The following SRGAP2B variants were observed in gnomAD, a reference collection of about 807,000 sequenced individuals.
SRGAP2B encodes SLIT-ROBO Rho GTPase-activating protein 2B.
Under a neutral mutation model 22.2 loss-of-function variants are expected in SRGAP2B, and 9 were observed. The observed-to-expected ratio is 0.41, with a 90% CI of 0.24 to 0.71. SRGAP2B has a LOEUF of 0.71. Ranked by LOEUF, SRGAP2B falls within the 30% of genes least tolerant of loss-of-function variation. The pLI is 0.35. For missense variants in SRGAP2B, 114 were observed against 235.8 expected, an observed-to-expected ratio of 0.48 and a Z score of 3.38; for synonymous variants, 36 against 87.4, an observed-to-expected ratio of 0.41 and a Z score of 3.28.
At chr1:144,975,624 C>CA (rs1214186517) in intron 3 of SRGAP2B, among the ~76,000 whole-genome samples, 1 of 146,278 alleles carries the variant, frequency 6.8e-6, no homozygotes, top group Admixed American at 6.8e-5. Context: ...ATGCTGATGC[C>CA]ACATTCTTAT....
intron 2 of SRGAP2B, among the ~76,000 whole-genome samples, chr1:145,011,388 C>G (rs1332625831): frequency 2.8e-5 from 4 of 143,754 alleles, no homozygotes; most frequent in African/African-American, 5.5e-5. Flanking sequence ...GATCCCATTC[C>G]ATTCTATGTC....
At chr1:144,987,663 A>G (rs1252935893) in intron 3 of SRGAP2B, among the ~76,000 whole-genome samples, 3 of 150,810 alleles carry the variant, frequency 2.0e-5, no homozygotes, top group African/African-American at 4.9e-5. Context: ...TGCCTTTCCT[A>G]TGCCAATGTC....
intron 3 of SRGAP2B, among the ~76,000 whole-genome samples, chr1:144,984,828 A>T (rs1669598398): frequency 6.6e-6 from 1 of 150,866 alleles, no homozygotes; most frequent in African/African-American, 2.5e-5. Context: ...TGTCTATTGC[A>T]TAGAGCCAAA....
chr1:144,929,603 C>T (rs587686896), intron 4 of SRGAP2B, among the ~76,000 whole-genome samples: 33 of 151,066 alleles, frequency 2.2e-4, no homozygotes, highest in African/African-American at 7.6e-4. Context: ...TTTCTCTTAG[C>T]TTTTGGTCAC....
chr1:145,089,265 C>T (rs1653746989), intron 2 of SRGAP2B, among the ~76,000 whole-genome samples: 1 of 150,618 alleles, frequency 6.6e-6, no homozygotes. Context: ...TCAAGTCAGA[C>T]ATTGAGAGGC....
chr1:144,957,152 C>T (rs1667327440), intron 3 of SRGAP2B, among the ~76,000 whole-genome samples: 1 of 150,836 alleles, frequency 6.6e-6, no homozygotes, highest in South Asian at 2.1e-4. Context: ...TTCCCCCTTT[C>T]CTCTCTTCTC....
intron 3 of SRGAP2B, among the ~76,000 whole-genome samples, chr1:144,983,100 C>T (rs1184191867): frequency 2.7e-5 from 4 of 148,396 alleles, no homozygotes; most frequent in Admixed American, 2.0e-4. Context: ...GCACTGGTCC[C>T]AGGAAGTCAG....
At chr1:145,084,830 A>G (rs1653255082) in intron 2 of SRGAP2B, among the ~76,000 whole-genome samples, 1 of 150,382 alleles carries the variant, frequency 6.6e-6, no homozygotes, top group African/African-American at 2.4e-5. Flanking sequence ...CATTCTGAGT[A>G]GATCTCCAGT....
intron 2 of SRGAP2B, among the ~76,000 whole-genome samples, chr1:145,080,910 T>A (rs10217828): frequency 7.4e-5 from 11 of 149,292 alleles, no homozygotes; most frequent in East Asian, 5.8e-4. Context: ...GGAAGGACCT[T>A]AGAAAGTTTC....
At chr1:145,001,880 G>T (rs1337057498) in intron 2 of SRGAP2B, among the ~76,000 whole-genome samples, 8 of 149,874 alleles carry the variant, frequency 5.3e-5, no homozygotes, top group Non-Finnish European at 1.2e-4. Flanking sequence ...TAAGTTAGCT[G>T]GGGGGGTGGT....
rs1187142727 is a variant in SRGAP2B, at chr1:144,972,676, T to TA, written c.261-17076dup. Among the ~76,000 whole-genome samples the TA allele has an allele frequency of 1.2e-4, 18 of 145,396 alleles. 1 individual carries two copies. The highest frequency in any genetic ancestry group is 4.4e-4 in the South Asian group (2 of 4,588). On this transcript the variant is annotated intron_variant, in intron 3 of 9. Transcript: ENST00000612199. The stretch of plus-strand genomic sequence containing the variant: ...GTAATTTTATGCACACCAAAAAATT[T>TA]AAAAAACAATGCTCTTAAAGCAATG...
At chr1:145,063,978 T>TG in intron 2 of SRGAP2B, among the ~76,000 whole-genome samples, 1 of 148,728 alleles carries the variant, frequency 6.7e-6, no homozygotes, top group African/African-American at 2.5e-5. Context: ...AAAGCTCTCT[T>TG]GGGGCACGAA....
intron 3 of SRGAP2B, chr1:144,965,015 G>C (rs587647976): frequency 7.2e-7 from 1 of 1,395,412 alleles, no homozygotes; most frequent in East Asian, 2.3e-5. Flanking sequence ...CCTCACCCTC[G>C]GGGAGCAACA....
In SRGAP2B at chr1:144,995,121, G is replaced by A. The variant is rs1487803970; in HGVS notation, c.147C>T (p.Leu49=). The A allele has an allele frequency of 3.8e-6, 5 of 1,309,480 alleles. 1 individual carries two copies. In the South Asian group the frequency reaches 5.3e-5, roughly 14 times the overall value. The allele number at this position is 1,309,480 out of a possible 1,614,324, so 81.1% of individuals were successfully genotyped here. A position where few individuals can be genotyped will look rare whatever the true frequency, so the allele number is the denominator to read the frequency against. The stretch of plus-strand genomic sequence containing the variant: ...CTGCCTTCTTTCGGAAGAAGTCCTG[G>A]AGGTCCTGCAACAGTTGCACCCGAA... The change falls in exon 3 of 10, where the codon CTC becomes CTT. Residue 49 remains leucine (L), a synonymous_variant. Transcript: ENST00000612199.
intron 3 of SRGAP2B, among the ~76,000 whole-genome samples, chr1:144,992,045 G>C (rs1310907262): frequency 2.7e-5 from 4 of 149,608 alleles, no homozygotes; most frequent in African/African-American, 1.0e-4. Flanking sequence ...TCACTGCAAA[G>C]ATCTGCAGCT....
chr1:144,909,199 C>A (rs1430931781), intron 5 of SRGAP2B, among the ~76,000 whole-genome samples: 1 of 150,038 alleles, frequency 6.7e-6, no homozygotes, highest in Non-Finnish European at 1.5e-5. Context: ...CAGAGTGAGC[C>A]AGGAAGCAGC....
intron 3 of SRGAP2B, among the ~76,000 whole-genome samples, chr1:144,957,252 A>T (rs1350347180): frequency 2.0e-5 from 3 of 150,820 alleles, no homozygotes; most frequent in African/African-American, 7.4e-5. Context: ...ACTAAAGACC[A>T]GGCACTTGTG....
rs1347869428 is a variant in SRGAP2B, at chr1:145,083,218, G to A, written c.67+9617C>T. Among the ~76,000 whole-genome samples the A allele has an allele frequency of 1.4e-5, 2 of 143,030 alleles. 1 individual carries two copies. The highest frequency in any genetic ancestry group is 3.0e-5 in the Non-Finnish European group (2 of 67,358). 93.8% of individuals were successfully genotyped at this position (143,030 alleles called of 152,430 possible). ...GGGGTGGCATCTGAGCTGCTTTAAA[G>A]GTTGAATAAGTTTTACAGGTTCAAG... On this transcript the variant is annotated intron_variant, in intron 2 of 9. Coordinates refer to ENST00000612199, the Ensembl canonical transcript of SRGAP2B.
intron 3 of SRGAP2B, among the ~76,000 whole-genome samples, chr1:144,980,537 G>C (rs1669249690): frequency 6.6e-6 from 1 of 151,944 alleles, no homozygotes; most frequent in African/African-American, 2.4e-5. Flanking sequence ...ATCCTAGTTT[G>C]TTCGATTCAT....
Sources: gnomAD v4.1 joint callset for allele counts (sites outside exome capture counted in the v4.1 genomes callset) on GRCh38, gnomAD v4.1.1 for gene constraint, MANE v1.5 for transcripts, NCBI Gene and HGNC (gene_info 2026-07-23, HGNC 2026-07-21) for gene names.